Variants in LMOD2 observed in about 807,000 individuals in gnomAD.
LMOD2 encodes the protein leiomodin 2.
In LMOD2, 27 loss-of-function variants were observed where a neutral mutation model predicts 41.7. The ratio of observed to expected loss-of-function variants is 0.65; its 90% CI spans 0.48 to 0.89. The LOEUF (loss-of-function observed/expected upper bound fraction) is 0.89, where lower values mean the gene tolerates loss of function less well. Among genes scored for constraint, LMOD2 ranks in the 40% least tolerant of loss-of-function variants. The pLI, the probability that LMOD2 is intolerant of heterozygous loss-of-function variation, is 0.00. For synonymous variants in LMOD2, 251 were observed against 244.6 expected, an observed-to-expected ratio of 1.03 and a Z score of -0.25; for missense variants, 624 against 667.9, an observed-to-expected ratio of 0.93 and a Z score of 0.72.
chr7:123,659,049 C>T (rs1802835008), intron 1 of LMOD2, among the ~76,000 whole-genome samples: 1 of 152,216 alleles, frequency 6.6e-6, no homozygotes, highest in South Asian at 2.1e-4. Context: ...TAATAGCCTA[C>T]TGTGGACAGA....
In LMOD2 at chr7:123,662,441, C is replaced by A. The variant is rs749656289; in HGVS notation, c.855C>A (p.Ile285=). ...CCAACTTCATAACGGGAAAGGGGAT[C>A]CTGGCCATCATGAGAGCTCTCCAGC... is the stretch of plus-strand genomic sequence containing the variant. ...VESNFITGKG[I]LAIMRALQHN... is the part of the protein sequence containing the mutation. Residue 285 remains isoleucine (I), a synonymous_variant, in exon 2 of 3, where the codon ATC becomes ATA. Transcript: ENST00000458573. This position sits in a 1 kb window ranked among gnomAD's most constrained non-coding sequence, Gnocchi z 4.0. The A allele has an allele frequency of 2.5e-6, 4 of 1,613,812 alleles. No homozygotes were observed. Among genetic ancestry groups the A allele is most frequent in the Non-Finnish European group, 3.4e-6 (4 of 1,179,880 alleles).
intron 1 of LMOD2, among the ~76,000 whole-genome samples, chr7:123,658,183 T>C (rs754927963): frequency 3.3e-5 from 5 of 152,210 alleles, no homozygotes; most frequent in African/African-American, 9.6e-5. Context: ...TCCCTGCCAA[T>C]GGCTTATCAG....
chr7:123,659,752 T>C (rs1323993235), intron 1 of LMOD2, among the ~76,000 whole-genome samples: 1 of 152,130 alleles, frequency 6.6e-6, no homozygotes, highest in Non-Finnish European at 1.5e-5. Context: ...AGGTACTTTA[T>C]TGGGGGTGGG....
At position 123,662,862 on chromosome 7, in the gene LMOD2, C is replaced by T. The variant is rs1346937459; in HGVS notation, c.1276C>T (p.Pro426Ser). The T allele has an allele frequency of 6.7e-7, 1 of 1,498,914 alleles. No homozygotes were observed. Among genetic ancestry groups the T allele is most frequent in the Non-Finnish European group, 9.0e-7 (1 of 1,108,656 alleles). 92.9% of individuals were successfully genotyped at this position (1,498,914 alleles called of 1,614,324 possible). The change falls in exon 2 of 3, where the codon CCT (proline) becomes TCT (serine). Residue 426 changes from proline (P) to serine (S), a missense_variant. Transcript: ENST00000458573. The surrounding 1 kb of genome is among the most constrained non-coding windows in gnomAD (Gnocchi z 4.0). ...TGTGGCCACACCTCCTCCTCCTCCC[C>T]CTCCTCCTCCTCCTCCCCCTCCTTC... ...SPVATPPPPPPPPPPPPPSSQ... is the reference protein window; with the variant it reads ...SPVATPPPPPSPPPPPPPSSQ...
At position 123,662,971 on chromosome 7, in the gene LMOD2, T is replaced by C. The variant is rs1475936529; in HGVS notation, c.1385T>C (p.Val462Ala). The C allele has an allele frequency of 3.2e-6, 5 of 1,549,352 alleles. No homozygotes were observed. In the South Asian group the frequency reaches 6.0e-5, roughly 18 times the overall value. The part of the protein sequence containing the change: ...KKLITRNIAE[V>A]IKQQESAQRA... The stretch of plus-strand genomic sequence containing the variant: ...CTCATTACCAGAAACATTGCAGAAG[T>C]CATCAAACAACAGGAGAGTGCCCAA... The change falls in exon 2 of 3, where the codon GTC becomes GCC. Residue 462 changes from valine to alanine, a missense_variant. Val to Ala is a moderately conservative substitution (Grantham distance 64). Transcript: ENST00000458573. This position sits in a 1 kb window ranked among gnomAD's most constrained non-coding sequence, Gnocchi z 4.0.
Position 123,655,887 on chromosome 7 carries a change from T to C in LMOD2, c.-77T>C. On this transcript the variant is annotated 5_prime_UTR_variant, in exon 1 of 3. Transcript: ENST00000458573. ...CACCAGTTGTTGACCAGCCTGCCAC[T>C]TGCCTCCCTGCCTGCTTCTGGCCGC... 1 of 1,395,486 alleles carries C rather than the reference T, an allele frequency of 7.2e-7. No individual in the cohort carries two copies. Among genetic ancestry groups the C allele is most frequent in the East Asian group, 2.5e-5 (1 of 40,564 alleles). 86.4% of individuals were successfully genotyped at this position (1,395,486 alleles called of 1,614,324 possible).
chr7:123,659,973 G>T lies in LMOD2; in HGVS notation c.274-1887G>T, dbSNP rs145773134. Among the ~76,000 whole-genome samples the T allele has an allele frequency of 6.6e-3, 1,004 of 152,190 alleles. 7 individuals carry two copies. Among genetic ancestry groups the T allele is most frequent in the Non-Finnish European group, 9.4e-3 (637 of 67,998 alleles). ...GTAAAATGTAATGGTGTCATACAAGGCCGTATACCTTGGATTTTGAGACAG... is the reference window on the plus strand; with the variant it reads ...GTAAAATGTAATGGTGTCATACAAGTCCGTATACCTTGGATTTTGAGACAG... On this transcript the variant is annotated intron_variant, in intron 1 of 2. Coordinates refer to ENST00000458573, the MANE Select transcript of LMOD2 (RefSeq NM_207163.3).
intron 1 of LMOD2, among the ~76,000 whole-genome samples, chr7:123,661,079 T>C (rs1465908765): frequency 6.6e-6 from 1 of 152,200 alleles, no homozygotes; most frequent in East Asian, 1.9e-4. Flanking sequence ...AAGGGTGACC[T>C]GAATGTTTTC....
intron 1 of LMOD2, among the ~76,000 whole-genome samples, chr7:123,657,811 C>CAAAAAA (rs1009900124): frequency 2.2e-4 from 8 of 36,004 alleles, no homozygotes; most frequent in Middle Eastern, 0.024. Flanking sequence ...CTCATCTCTA[C>CAAAAAA]AAAAAAAAAA....
intron 1 of LMOD2, among the ~76,000 whole-genome samples, chr7:123,661,041 G>T (rs1350923448): frequency 6.6e-6 from 1 of 152,192 alleles, no homozygotes. Flanking sequence ...CCCTGGACTA[G>T]TTGGAGGTTT....
At chr7:123,658,226 T>G (rs1484983741) in intron 1 of LMOD2, among the ~76,000 whole-genome samples, 1 of 152,142 alleles carries the variant, frequency 6.6e-6, no homozygotes, top group South Asian at 2.1e-4. Context: ...TTGATGGACT[T>G]CGGTTCCTTT....
Position 123,656,230 on chromosome 7 carries a change from T to C in LMOD2, c.267T>C (p.Cys89=), listed in dbSNP as rs1279110963. 6.2e-7 allele frequency: 1 copy of C among 1,605,388 alleles called. No individual in the cohort carries two copies. The highest frequency in any genetic ancestry group is 8.5e-7 in the Non-Finnish European group (1 of 1,176,190). The change falls in exon 1 of 3, where the codon TGT becomes TGC. Residue 89 remains cysteine, a synonymous_variant. Transcript: ENST00000458573. ...KLLEKERLGE[C]GKVAEDKEES... is the part of the protein sequence containing the mutation. The stretch of plus-strand genomic sequence containing the variant: ...TGGAGAAGGAGAGGCTGGGGGAATG[T>C]GGAAAGGTAGGCTCTCGGGACTTTT...
At chr7:123,660,381 C>G (rs1338051084) in intron 1 of LMOD2, among the ~76,000 whole-genome samples, 1 of 151,416 alleles carries the variant, frequency 6.6e-6, no homozygotes, top group Non-Finnish European at 1.5e-5. Flanking sequence ...CCTCCCTGCT[C>G]CTGAAGAAGT....
chr7:123,657,991 TAA>T (rs10693592), intron 1 of LMOD2, among the ~76,000 whole-genome samples: 76 of 90,564 alleles, frequency 8.4e-4, no homozygotes, highest in East Asian at 2.0e-3. Context: ...CTTGTCTCAT[TAA>T]AAAAAAAAAA....
chr7:123,655,890 C>A lies in LMOD2; in HGVS notation c.-74C>A. On this transcript the variant is annotated 5_prime_UTR_variant, in exon 1 of 3. Coordinates refer to ENST00000458573, the MANE Select transcript of LMOD2 (RefSeq NM_207163.3). ...CAGTTGTTGACCAGCCTGCCACTTG[C>A]CTCCCTGCCTGCTTCTGGCCGCCTT... 1.4e-6 allele frequency: 2 copies of A among 1,418,818 alleles called. No homozygotes were observed. Among genetic ancestry groups the A allele is most frequent in the South Asian group, 1.4e-5 (1 of 73,890 alleles). The allele number at this position is 1,418,818 out of a possible 1,614,324, so 87.9% of individuals were successfully genotyped here.
Position 123,663,866 on chromosome 7 carries a change from A to C in LMOD2, c.*121A>C. The C allele has an allele frequency of 2.7e-6, 2 of 741,076 alleles. No homozygotes were observed. Among genetic ancestry groups the C allele is most frequent in the Non-Finnish European group, 4.4e-6 (2 of 452,644 alleles). 45.9% of individuals were successfully genotyped at this position (741,076 alleles called of 1,614,324 possible). On this transcript the variant is annotated 3_prime_UTR_variant, in exon 3 of 3. Coordinates refer to ENST00000458573, the MANE Select transcript of LMOD2 (RefSeq NM_207163.3). ...GATCCCTGACTTTAAAAATAATCTC[A>C]CCCATTAATTCCAAAGAGAATCTTA...
In LMOD2 at chr7:123,657,274, T is replaced by G. The variant is rs191087155; in HGVS notation, c.273+1038T>G. The stretch of plus-strand genomic sequence containing the variant: ...ATTCTTCCGGAATTATGGAAGAACA[T>G]AGGTCAGGAGAAACAGTTTAAAACC... On this transcript the variant is annotated intron_variant, in intron 1 of 2. Coordinates refer to ENST00000458573, the MANE Select transcript of LMOD2 (RefSeq NM_207163.3). Among the ~76,000 whole-genome samples, 15 of 152,188 alleles carry G rather than the reference T, an allele frequency of 9.9e-5. No homozygotes were observed. The East Asian group carries it at 2.5e-3, about 26-fold the overall frequency.
rs766996912 is a variant in LMOD2 at position 123,662,161 on chromosome 7, C to T, written c.575C>T (p.Pro192Leu). 1 of 1,613,714 alleles carries T rather than the reference C, an allele frequency of 6.2e-7. No individual in the cohort carries two copies. The highest frequency in any genetic ancestry group is 8.5e-7 in the Non-Finnish European group (1 of 1,179,846). Reference protein sequence around the residue: ...RNTESPAAIHPCGNPTVIEDA... With the variant: ...RNTESPAAIHLCGNPTVIEDA... ...ACAGAGTCCCCAGCTGCCATTCACC[C>T]TTGTGGAAATCCTACAGTGATTGAG... Residue 192 changes from proline to leucine, a missense_variant, in exon 2 of 3, where the codon CCT becomes CTT. Coordinates refer to ENST00000458573, the MANE Select transcript of LMOD2 (RefSeq NM_207163.3). This position sits in a 1 kb window ranked among gnomAD's most constrained non-coding sequence, Gnocchi z 4.0.
At position 123,662,314 on chromosome 7, in the gene LMOD2, A is replaced by T. The variant is rs372293314; in HGVS notation, c.728A>T (p.Lys243Met). Residue 243 changes from lysine (K) to methionine (M), a missense_variant, in exon 2 of 3, where the codon AAG (lysine) becomes ATG (methionine). Transcript: ENST00000458573. This position sits in a 1 kb window ranked among gnomAD's most constrained non-coding sequence, Gnocchi z 4.0. ...AEALKDNTVVKTFSLANTHAD... is the reference protein window; with the variant it reads ...AEALKDNTVVMTFSLANTHAD... Reference sequence around the variant, plus strand: ...GCCCTCAAGGACAACACTGTGGTGAAGACGTTCAGTCTGGCCAACACGCAT... The same window carrying T: ...GCCCTCAAGGACAACACTGTGGTGATGACGTTCAGTCTGGCCAACACGCAT... 4.3e-6 allele frequency: 7 copies of T among 1,614,010 alleles called. No individual in the cohort carries two copies. Among genetic ancestry groups the T allele is most frequent in the Non-Finnish European group, 5.9e-6 (7 of 1,179,886 alleles).
Sources: gnomAD v4.1 joint callset for allele counts (sites outside exome capture counted in the v4.1 genomes callset) on GRCh38, gnomAD v4.1.1 for gene constraint, Gnocchi (gnomAD v3.1) non-coding constraint, MANE v1.5 for transcripts, NCBI Gene and HGNC (gene_info 2026-07-23, HGNC 2026-07-21) for gene names.